The following FRAS1 variants were observed in gnomAD, a reference collection of about 807,000 sequenced individuals.
FRAS1 encodes the protein Fraser extracellular matrix complex subunit 1.
FRAS1 carries 290 observed loss-of-function variants against 435.2 expected under a neutral mutation model. The ratio of observed to expected loss-of-function variants is 0.67; its 90% confidence interval spans 0.61 to 0.73. The LOEUF (loss-of-function observed/expected upper bound fraction) is 0.73. Ranked by LOEUF, FRAS1 falls within the 30% of genes least tolerant of loss-of-function variation. The pLI is 0.00. For synonymous variants in FRAS1, 1,800 were observed against 1,851.0 expected (o/e 0.97, Z 0.71); for missense variants, 4,860 against 5,001.5 (o/e 0.97, Z 0.85).
At chr4:78,249,048 G>GCATATATATATATGCAT (rs1553934018) in intron 4 of FRAS1, among the ~76,000 whole-genome samples, 2 of 27,530 alleles carry the variant, frequency 7.3e-5, no homozygotes, top group Non-Finnish European at 8.6e-5. Context: ...AAGAACTACT[G>GCATATATATATATGCAT]ATATATATAT....
rs762909923 is a variant in FRAS1, at chr4:78,065,081, T to TATATATACACACACACAC, written c.77-901_77-900insTATACACACACACACATA. Among the ~76,000 whole-genome samples the TATATATACACACACACAC allele has an allele frequency of 8.0e-5, 10 of 125,696 alleles. No homozygotes were observed. In the East Asian group the frequency reaches 9.1e-4, roughly 11 times the overall value. 82.5% of individuals were successfully genotyped at this position (125,696 alleles called of 152,430 possible). ...GTGTATATATATATATATATATATATATACATACACACACACACACTAAAT... is the reference window on the plus strand; with the variant it reads ...GTGTATATATATATATATATATATATATATATACACACACACACATACATACACACACACACACTAAAT... On this transcript the variant is annotated intron_variant, in intron 1 of 73. Coordinates refer to ENST00000512123, the MANE Select transcript of FRAS1 (RefSeq NM_025074.7).
chr4:78,253,563 C>G (rs1008593025), intron 5 of FRAS1, among the ~76,000 whole-genome samples: 4 of 152,146 alleles, frequency 2.6e-5, no homozygotes, highest in Admixed American at 6.5e-5. Context: ...GGGTCCCTGA[C>G]TTCCCGCAAC....
chr4:78,474,196 T>A (rs556986250), intron 53 of FRAS1, among the ~76,000 whole-genome samples: 15 of 152,328 alleles, frequency 9.8e-5, no homozygotes, highest in African/African-American at 3.4e-4. Flanking sequence ...TGGCTTAATG[T>A]GGACAGCCCT....
intron 2 of FRAS1, among the ~76,000 whole-genome samples, chr4:78,172,002 C>T (rs1721580602): frequency 6.6e-6 from 1 of 152,102 alleles, no homozygotes; most frequent in Non-Finnish European, 1.5e-5. Flanking sequence ...AGCTTCCTTC[C>T]GTCTTTACCT....
intron 2 of FRAS1, among the ~76,000 whole-genome samples, chr4:78,221,792 G>A (rs1656565083): frequency 6.6e-6 from 1 of 152,154 alleles, no homozygotes; most frequent in Non-Finnish European, 1.5e-5. Flanking sequence ...TTGACATGAG[G>A]CTTTTGGACA....
chr4:78,075,870 T>C (rs1740612965), intron 2 of FRAS1, among the ~76,000 whole-genome samples: 1 of 152,112 alleles, frequency 6.6e-6, no homozygotes, highest in Admixed American at 6.5e-5. Flanking sequence ...AACGCATAAG[T>C]GGCAAAGGGA....
chr4:78,488,950 G>A lies in FRAS1; in HGVS notation c.8828G>A (p.Arg2943Gln), dbSNP rs749379432. The part of the protein sequence containing the change: ...KEGVLHVPIT[R>Q]SGDLSYESSV... Reference sequence around the variant, plus strand: ...GGTGTCCTGCATGTCCCTATCACTCGGAGCGGAGACCTGAGCTATGAGTCA... The same window carrying A: ...GGTGTCCTGCATGTCCCTATCACTCAGAGCGGAGACCTGAGCTATGAGTCA... The change falls in exon 59 of 74, where the codon CGG (arginine) becomes CAG (glutamine). Residue 2943 changes from arginine to glutamine, a missense_variant. Arg to Gln is a conservative substitution (Grantham distance 43). Transcript: ENST00000512123. 6.2e-7 allele frequency: 1 copy of A among 1,613,560 alleles called. No homozygotes were observed. The highest frequency in any genetic ancestry group is 8.5e-7 in the Non-Finnish European group (1 of 1,179,732).
At chr4:78,241,889 A>G (rs574194148) in intron 3 of FRAS1, among the ~76,000 whole-genome samples, 4 of 152,278 alleles carry the variant, frequency 2.6e-5, no homozygotes, top group African/African-American at 9.6e-5. Flanking sequence ...ATCTAGACAC[A>G]GGTAGAAAAA....
At chr4:78,385,026 T>C (rs918037232) in intron 28 of FRAS1, among the ~76,000 whole-genome samples, 3 of 152,070 alleles carry the variant, frequency 2.0e-5, no homozygotes, top group East Asian at 1.9e-4. Context: ...TCTACTTAAA[T>C]GAGGCTCTAG....
intron 67 of FRAS1, 80 bp from the exon 68 acceptor site, chr4:78,521,443 C>G: frequency 2.4e-6 from 2 of 843,746 alleles, no homozygotes; most frequent in Non-Finnish European, 3.9e-6. Context: ...TTGGAGGTGT[C>G]CTTGGGATAA....
intron 27 of FRAS1, 55 bp from the exon 28 acceptor site, chr4:78,384,004 T>C (rs1039047510): frequency 2.0e-5 from 26 of 1,320,616 alleles, no homozygotes; most frequent in East Asian, 1.2e-4. Context: ...CTTTTCTGTG[T>C]AAAGTCTAAT....
At chr4:78,080,035 AG>A (rs924789416) in intron 2 of FRAS1, among the ~76,000 whole-genome samples, 1 of 152,114 alleles carries the variant, frequency 6.6e-6, no homozygotes, top group Non-Finnish European at 1.5e-5. Flanking sequence ...CATCGGAACC[AG>A]GTTTCCTATC....
chr4:78,247,387 G>GT (rs952284228), intron 4 of FRAS1, among the ~76,000 whole-genome samples: 2 of 152,074 alleles, frequency 1.3e-5, no homozygotes, highest in African/African-American at 2.4e-5. Flanking sequence ...CAAAACTATA[G>GT]TTTTTTGGGG....
intron 2 of FRAS1, among the ~76,000 whole-genome samples, chr4:78,132,104 T>C (rs1205386913): frequency 6.6e-6 from 1 of 152,214 alleles, no homozygotes; most frequent in African/African-American, 2.4e-5. Flanking sequence ...AAGGCTGGTG[T>C]CCTGTCAGTG....
At chr4:78,112,351 A>C (rs1742781316) in intron 2 of FRAS1, among the ~76,000 whole-genome samples, 1 of 152,184 alleles carries the variant, frequency 6.6e-6, no homozygotes, top group African/African-American at 2.4e-5. Flanking sequence ...TTACATTTAG[A>C]CTTAACCTCT....
At chr4:78,506,029 C>T (rs533078588) in intron 61 of FRAS1, among the ~76,000 whole-genome samples, 7 of 152,338 alleles carry the variant, frequency 4.6e-5, no homozygotes, top group East Asian at 1.9e-4. Context: ...AAGTCCACTC[C>T]AGACCCTGTT....
intron 2 of FRAS1, among the ~76,000 whole-genome samples, chr4:78,090,753 G>A (rs1458882554): frequency 6.6e-6 from 1 of 152,094 alleles, no homozygotes; most frequent in African/African-American, 2.4e-5. Flanking sequence ...GACAACTGAA[G>A]AAAGCCATTT....
chr4:78,079,192 T>A (rs1447864720), intron 2 of FRAS1, among the ~76,000 whole-genome samples: 3 of 152,136 alleles, frequency 2.0e-5, no homozygotes, highest in Admixed American at 6.6e-5. Context: ...ATTTTAAAAA[T>A]GTGTCTTTCT....
intron 40 of FRAS1, among the ~76,000 whole-genome samples, chr4:78,440,588 T>A (rs874769): frequency 0.31 from 46,646 of 151,998 alleles, 7,444 homozygotes; most frequent in Non-Finnish European, 0.36. Flanking sequence ...GGAAAAAAAA[T>A]TAGTTTGAGC....
Sources: gnomAD v4.1 joint callset for allele counts (sites outside exome capture counted in the v4.1 genomes callset) on GRCh38, gnomAD v4.1.1 for gene constraint, MANE v1.5 for transcripts, NCBI Gene and HGNC (gene_info 2026-07-23, HGNC 2026-07-21) for gene names.